Variants in LCORL observed in about 807,000 individuals in gnomAD.
The protein encoded by LCORL is ligand dependent nuclear receptor corepressor like, also known as ligand-dependent nuclear receptor corepressor-like protein.
LCORL carries 41 observed loss-of-function variants against 141.8 expected under a neutral mutation model. The ratio of observed to expected loss-of-function variants is 0.29; its 90% CI spans 0.23 to 0.38. The LOEUF (loss-of-function observed/expected upper bound fraction) is 0.38. Ranked by LOEUF, LCORL falls within the 10% of genes least tolerant of loss-of-function variation. The pLI is 1.00. For synonymous variants in LCORL, 618 were observed against 694.1 expected, an observed-to-expected ratio of 0.89 and a Z score of 1.72; for missense variants, 1,759 against 2,035.0, an observed-to-expected ratio of 0.86 and a Z score of 2.61.
At chr4:17,952,386 A>C (rs562742638) in intron 4 of LCORL, among the ~76,000 whole-genome samples, 1 of 152,126 alleles carries the variant, frequency 6.6e-6, no homozygotes, top group East Asian at 1.9e-4. Flanking sequence ...GATAAATAAA[A>C]AACCCATTTT....
At chr4:17,923,180 A>T (rs1249780481) in intron 4 of LCORL, among the ~76,000 whole-genome samples, 7 of 152,256 alleles carry the variant, frequency 4.6e-5, no homozygotes. Context: ...ACAGGCATGG[A>T]AATGAAAATA....
At chr4:17,998,988 ATATATATATAT>A (rs1560464162) in intron 1 of LCORL, among the ~76,000 whole-genome samples, 15 of 53,944 alleles carry the variant, frequency 2.8e-4, no homozygotes, top group African/African-American at 9.9e-4. Context: ...AAAAAAAAAT[ATATATATATAT>A]ATATACACAC....
chr4:17,882,060 G>C (rs17526868), intron 6 of LCORL: 108,667 of 982,780 alleles, frequency 0.11, 6,564 homozygotes, highest in Non-Finnish European at 0.12. Flanking sequence ...AGATCTCAGA[G>C]ACCAAATAAC....
chr4:17,942,855 C>T (rs1321744425), intron 4 of LCORL, among the ~76,000 whole-genome samples: 1 of 148,720 alleles, frequency 6.7e-6, no homozygotes, highest in Non-Finnish European at 1.5e-5. Flanking sequence ...GGTGAGCAGC[C>T]AGCAAGTGAG....
intron 1 of LCORL, among the ~76,000 whole-genome samples, chr4:18,016,842 C>A (rs754894999): frequency 2.6e-5 from 4 of 152,124 alleles, no homozygotes; most frequent in Non-Finnish European, 5.9e-5. Context: ...CTAAACCAAT[C>A]TTTGTCATTC....
intron 1 of LCORL, among the ~76,000 whole-genome samples, chr4:18,018,952 A>G (rs1177464704): frequency 6.6e-6 from 1 of 151,966 alleles, no homozygotes. Context: ...TTTTATAAAT[A>G]TGTTTATAAA....
chr4:18,020,038 A>G (rs1725234078), intron 1 of LCORL, among the ~76,000 whole-genome samples: 1 of 152,228 alleles, frequency 6.6e-6, no homozygotes, highest in African/African-American at 2.4e-5. Flanking sequence ...CTTAGAGAAG[A>G]CCAAAATACA....
At chr4:17,991,732 T>C (rs1201850825) in intron 1 of LCORL, among the ~76,000 whole-genome samples, 1 of 152,176 alleles carries the variant, frequency 6.6e-6, no homozygotes, top group Non-Finnish European at 1.5e-5. Flanking sequence ...AGGAAGAATA[T>C]GTCATTTGCC....
exon 7 of LCORL, chr4:17,876,972 C>T (rs998540867): frequency 4.8e-5 from 59 of 1,230,210 alleles, no homozygotes; most frequent in Non-Finnish European, 5.8e-5. Context: ...TAAAGAAGGC[C>T]CTTGGTCATG....
intron 1 of LCORL, among the ~76,000 whole-genome samples, chr4:17,998,041 G>A (rs1242604824): frequency 2.0e-5 from 3 of 152,172 alleles, no homozygotes; most frequent in African/African-American, 7.2e-5. Flanking sequence ...AGAGCCTACT[G>A]TATACAGTCT....
chr4:17,858,930 TACAG>T (rs1724674696), intron 7 of LCORL, among the ~76,000 whole-genome samples: 1 of 151,828 alleles, frequency 6.6e-6, no homozygotes, highest in South Asian at 2.1e-4. Flanking sequence ...AAAAAGAACA[TACAG>T]AGGAGCAAAT....
intron 1 of LCORL, among the ~76,000 whole-genome samples, chr4:17,992,334 G>A (rs561801620): frequency 6.6e-5 from 10 of 152,218 alleles, no homozygotes; most frequent in South Asian, 2.1e-4. Context: ...TGGAGGAACC[G>A]CCCCCATGAT....
intron 4 of LCORL, among the ~76,000 whole-genome samples, chr4:17,943,890 A>T (rs1738399516): frequency 6.6e-6 from 1 of 152,184 alleles, no homozygotes; most frequent in African/African-American, 2.4e-5. Context: ...GACCCATTAT[A>T]TACTTCCAAA....
chr4:17,946,764 T>C (rs1309313178), intron 4 of LCORL, among the ~76,000 whole-genome samples: 1 of 151,994 alleles, frequency 6.6e-6, no homozygotes, highest in African/African-American at 2.4e-5. Context: ...TACATCATTG[T>C]GTATTAGGAA....
intron 1 of LCORL, among the ~76,000 whole-genome samples, chr4:17,983,731 C>T (rs2109737313): frequency 6.6e-6 from 1 of 152,162 alleles, no homozygotes; most frequent in African/African-American, 2.4e-5. Context: ...AGTTTGACTT[C>T]CTCTTTTCAT....
intron 4 of LCORL, among the ~76,000 whole-genome samples, chr4:17,920,516 A>C (rs1331780415): frequency 6.6e-6 from 1 of 152,038 alleles, no homozygotes; most frequent in Non-Finnish European, 1.5e-5. Context: ...GGCTGTGGCA[A>C]TTTCTTACAT....
chr4:18,015,646 AC>A (rs1202040139), intron 1 of LCORL, among the ~76,000 whole-genome samples: 1 of 151,976 alleles, frequency 6.6e-6, no homozygotes, highest in East Asian at 1.9e-4. Flanking sequence ...TGGATAGCAG[AC>A]CCATCCATAC....
At chr4:17,867,188 T>C (rs919660229) in intron 7 of LCORL, among the ~76,000 whole-genome samples, 3 of 152,082 alleles carry the variant, frequency 2.0e-5, no homozygotes, top group African/African-American at 7.2e-5. Context: ...GGAGCGAGTG[T>C]TGAGGAAGAA....
chr4:17,963,828 T>C (rs1221797518), intron 2 of LCORL, among the ~76,000 whole-genome samples: 1 of 151,978 alleles, frequency 6.6e-6, no homozygotes, highest in African/African-American at 2.4e-5. Context: ...CCAATTTCTA[T>C]TCCCAAATAA....
Sources: gnomAD v4.1 joint callset for allele counts (sites outside exome capture counted in the v4.1 genomes callset) on GRCh38, gnomAD v4.1.1 for gene constraint, MANE v1.5 for transcripts, NCBI Gene and HGNC (gene_info 2026-07-23, HGNC 2026-07-21) for gene names.